The following C7orf78 variants were observed in gnomAD, a reference collection of about 807,000 sequenced individuals.
C7orf78 encodes the protein chromosome 7 open reading frame 78, also known as putative uncharacterized protein C7orf78.
the C7orf78 span, among the ~76,000 whole-genome samples, chr7:12,514,404 C>T: frequency 6.6e-6 from 1 of 151,750 alleles, no homozygotes; most frequent in African/African-American, 2.4e-5. Context: ...AATATCTTTT[C>T]CCATACCTGT....
chr7:12,501,054 T>G, the C7orf78 span, among the ~76,000 whole-genome samples: 3 of 151,166 alleles, frequency 2.0e-5, no homozygotes, highest in African/African-American at 2.4e-5. Flanking sequence ...AAACTCTCAA[T>G]AAATTAGGTA....
the C7orf78 span, among the ~76,000 whole-genome samples, chr7:12,517,952 C>A: frequency 2.0e-5 from 3 of 152,038 alleles, no homozygotes; most frequent in Non-Finnish European, 2.9e-5. Flanking sequence ...ATATTTCTTG[C>A]TCTTTCATGT....
chr7:12,493,560 C>T, the C7orf78 span, among the ~76,000 whole-genome samples: 1 of 152,164 alleles, frequency 6.6e-6, no homozygotes, highest in African/African-American at 2.4e-5. Context: ...CAATGATACT[C>T]ATGCTCTTGG....
the C7orf78 span, chr7:12,528,816 G>A: frequency 2.5e-6 from 1 of 396,612 alleles, no homozygotes; most frequent in Non-Finnish European, 4.4e-6. Flanking sequence ...CCTGGGTCCT[G>A]ATCTCCAAAA....
At chr7:12,505,834 G>A in the C7orf78 span, among the ~76,000 whole-genome samples, 1 of 151,964 alleles carries the variant, frequency 6.6e-6, no homozygotes, top group Non-Finnish European at 1.5e-5. Flanking sequence ...ATTTCTGCCT[G>A]GGAACTACAA....
the C7orf78 span, among the ~76,000 whole-genome samples, chr7:12,523,925 A>G: frequency 6.6e-6 from 1 of 152,206 alleles, no homozygotes; most frequent in Admixed American, 6.5e-5. Flanking sequence ...AAGTATATGG[A>G]GATGCAGATA....
chr7:12,524,500 T>C, the C7orf78 span, among the ~76,000 whole-genome samples: 1 of 152,156 alleles, frequency 6.6e-6, no homozygotes, highest in Non-Finnish European at 1.5e-5. Context: ...ATATGTTACC[T>C]TTTGGAGATG....
At chr7:12,493,549 C>G in the C7orf78 span, among the ~76,000 whole-genome samples, 1 of 152,180 alleles carries the variant, frequency 6.6e-6, no homozygotes. Context: ...TTATGAGTTT[C>G]CAATGATACT....
chr7:12,523,262 C>T, the C7orf78 span: 17 of 398,306 alleles, frequency 4.3e-5, no homozygotes, highest in East Asian at 6.1e-4. Flanking sequence ...AGAAACAATG[C>T]TTCACTTGCC....
the C7orf78 span, among the ~76,000 whole-genome samples, chr7:12,507,868 T>G: frequency 6.6e-6 from 1 of 152,272 alleles, no homozygotes; most frequent in Non-Finnish European, 1.5e-5. Flanking sequence ...ATACCATGGG[T>G]TTTGTGCATA....
At chr7:12,539,036 CTT>C in the C7orf78 span, among the ~76,000 whole-genome samples, 1 of 152,200 alleles carries the variant, frequency 6.6e-6, no homozygotes, top group African/African-American at 2.4e-5. Context: ...CACCCTTACT[CTT>C]TATAAATGAT....
At chr7:12,490,117 A>T in the C7orf78 span, among the ~76,000 whole-genome samples, 1 of 152,122 alleles carries the variant, frequency 6.6e-6, no homozygotes, top group Non-Finnish European at 1.5e-5. Flanking sequence ...AATAGCTAAC[A>T]TTTTTTGAGT....
the C7orf78 span, among the ~76,000 whole-genome samples, chr7:12,484,593 C>T: frequency 1.8e-4 from 27 of 152,096 alleles, no homozygotes; most frequent in African/African-American, 6.3e-4. Context: ...TAATGTATAA[C>T]GTATACATTT....
At chr7:12,506,117 G>A in the C7orf78 span, 2 of 152,306 alleles carry the variant, frequency 1.3e-5, no homozygotes, top group Admixed American at 1.3e-4. Flanking sequence ...AGTTAGAATG[G>A]CGATCATTAA....
the C7orf78 span, among the ~76,000 whole-genome samples, chr7:12,533,512 C>CT: frequency 0.3 from 33,347 of 112,578 alleles, 4,782 homozygotes; most frequent in South Asian, 0.37. Context: ...CCAAAGGTTT[C>CT]TTTTTTTTTT....
At chr7:12,488,981 C>G in the C7orf78 span, among the ~76,000 whole-genome samples, 1 of 148,992 alleles carries the variant, frequency 6.7e-6, no homozygotes, top group Non-Finnish European at 1.5e-5. Flanking sequence ...CTTTTATTGC[C>G]CTAGTTTGCC....
chr7:12,490,662 T>C, the C7orf78 span, among the ~76,000 whole-genome samples: 1 of 151,988 alleles, frequency 6.6e-6, no homozygotes, highest in Non-Finnish European at 1.5e-5. Context: ...TTTGTGGCAG[T>C]AATAGGAAAT....
the C7orf78 span, among the ~76,000 whole-genome samples, chr7:12,537,279 GC>G: frequency 1.3e-5 from 2 of 152,214 alleles, no homozygotes; most frequent in African/African-American, 4.8e-5. Context: ...AGAGAAGAGA[GC>G]TTTTGCAGGG....
chr7:12,521,812 G>A, the C7orf78 span, among the ~76,000 whole-genome samples: 2 of 151,712 alleles, frequency 1.3e-5, no homozygotes, highest in Admixed American at 6.6e-5. Flanking sequence ...ACTTCTTAGT[G>A]TGGCATAAAA....
Sources: gnomAD v4.1 joint callset for allele counts (sites outside exome capture counted in the v4.1 genomes callset) on GRCh38, gnomAD v4.1.1 for gene constraint, MANE v1.5 for transcripts, NCBI Gene and HGNC (gene_info 2026-07-23, HGNC 2026-07-21) for gene names.